Variants in CAPN14 observed in about 807,000 individuals in gnomAD.
CAPN14 encodes calpain-14.
CAPN14 carries 94 observed loss-of-function variants against 101.3 expected under a neutral mutation model. The ratio of observed to expected loss-of-function variants is 0.93; its 90% confidence interval spans 0.79 to 1.10. The LOEUF (loss-of-function observed/expected upper bound fraction) is 1.10. CAPN14 is among the 50% of genes least tolerant of loss of function. The pLI, the probability that CAPN14 is intolerant of heterozygous loss-of-function variation, is 0.00. For synonymous variants in CAPN14, 338 were observed against 317.9 expected (o/e 1.06, Z -0.67); for missense variants, 837 against 828.4 (o/e 1.01, Z -0.13).
At chr2:31,211,531 A>T (rs1415061307) in intron 1 of CAPN14, among the ~76,000 whole-genome samples, 1 of 152,172 alleles carries the variant, frequency 6.6e-6, no homozygotes, top group African/African-American at 2.4e-5. Context: ...ACCTGGTGCC[A>T]TTAATCAAAT....
intron 12 of CAPN14, among the ~76,000 whole-genome samples, chr2:31,190,779 T>G (rs1475801887): frequency 6.6e-6 from 1 of 152,214 alleles, no homozygotes; most frequent in Non-Finnish European, 1.5e-5. Context: ...CTTGATTCAA[T>G]CCAACCTGAG....
chr2:31,199,398 C>T (rs1681637280), intron 7 of CAPN14, 72 bp downstream of exon 7: 1 of 1,299,104 alleles, frequency 7.7e-7, no homozygotes. Flanking sequence ...ACTAAATCCA[C>T]CAAGATAAGC....
chr2:31,228,488 T>G (rs72861105), intron 1 of CAPN14: 126 of 152,276 alleles, frequency 8.3e-4, no homozygotes, highest in African/African-American at 2.8e-3. Flanking sequence ...TACTAAAAAT[T>G]ATATTCCTTT....
At chr2:31,210,304 C>T (rs994110460) in intron 1 of CAPN14, among the ~76,000 whole-genome samples, 5 of 151,840 alleles carry the variant, frequency 3.3e-5, no homozygotes, top group South Asian at 2.1e-4. Flanking sequence ...AAAAATTAGC[C>T]GGGCGTGGTG....
chr2:31,223,618 T>G (rs1682929457), intron 2 of CAPN14, among the ~76,000 whole-genome samples: 1 of 146,882 alleles, frequency 6.8e-6, no homozygotes, highest in South Asian at 2.2e-4. Context: ...AGCCTCCGCC[T>G]CCTAGGTTCA....
At chr2:31,183,904 A>G (rs10203856) in intron 16 of CAPN14, among the ~76,000 whole-genome samples, 49,959 of 135,836 alleles carry the variant, frequency 0.37, 9,845 homozygotes, top group African/African-American at 0.58. Flanking sequence ...TTTTTTCTTT[A>G]GAGATGGAGT....
At chr2:31,181,117 G>A in intron 16 of CAPN14, 117 bp from the exon 17 acceptor site, 2 of 760,142 alleles carry the variant, frequency 2.6e-6, no homozygotes, top group South Asian at 1.7e-5. Context: ...TATGTACGTG[G>A]GCTGGGAAGA....
At chr2:31,207,280 T>C (rs1682147136) in intron 1 of CAPN14, among the ~76,000 whole-genome samples, 1 of 152,164 alleles carries the variant, frequency 6.6e-6, no homozygotes, top group Non-Finnish European at 1.5e-5. Context: ...GTGCCTGGCA[T>C]TCGCTGAGAT....
At chr2:31,174,796 G>A (rs1435125959) in intron 21 of CAPN14, 89 bp from the exon 22 acceptor site, 15 of 1,259,740 alleles carry the variant, frequency 1.2e-5, no homozygotes, top group Non-Finnish European at 1.4e-5. Context: ...GAGCCATGGA[G>A]ACAGAACATT....
At chr2:31,176,448 G>A (rs1680289841) in intron 21 of CAPN14, 139 bp downstream of exon 21, 2 of 656,114 alleles carry the variant, frequency 3.0e-6, no homozygotes, top group Admixed American at 2.7e-5. Flanking sequence ...GAATGAATGA[G>A]TGCAATGAAT....
chr2:31,193,117 G>C lies in CAPN14; in HGVS notation c.1114+14C>G. 6.5e-7 allele frequency: 1 copy of C among 1,547,240 alleles called. No individual in the cohort carries two copies. Among genetic ancestry groups the C allele is most frequent in the Middle Eastern group, 1.7e-4 (1 of 5,922 alleles). On this transcript the variant is annotated intron_variant, in intron 10 of 21. Coordinates refer to ENST00000403897, the MANE Select transcript of CAPN14 (RefSeq NM_001145122.2). ...ACCTCACCCTGAGAGCCCTGCTCCT[G>C]TGCACATGCTCACCCTGCAGCAACT... is the stretch of plus-strand genomic sequence containing the variant.
intron 1 of CAPN14, among the ~76,000 whole-genome samples, chr2:31,217,069 G>A (rs1170559335): frequency 1.3e-5 from 2 of 152,160 alleles, no homozygotes; most frequent in African/African-American, 4.8e-5. Context: ...AGGAGGCTCA[G>A]GAGACAACTG....
At position 31,205,305 on chromosome 2, in the gene CAPN14, C is replaced by T; in HGVS notation, c.143G>A (p.Ser48Asn). 6.4e-7 allele frequency: 1 copy of T among 1,550,702 alleles called. No homozygotes were observed. The highest frequency in any genetic ancestry group is 8.7e-7 in the Non-Finnish European group (1 of 1,146,964). Reference sequence around the variant, plus strand: ...GATGGAGCTCAGGGTGGCCGGGAAGCTGGTGTCTTCAAAGAGGCAGCCATT... The same window carrying T: ...GATGGAGCTCAGGGTGGCCGGGAAGTTGGTGTCTTCAAAGAGGCAGCCATT... ...LRNGCLFEDT[S>N]FPATLSSIGS... The change falls in exon 2 of 22, where the codon AGC becomes AAC. Residue 48 changes from serine (S) to asparagine (N), a missense_variant. Transcript: ENST00000403897.
At chr2:31,179,340 G>A (rs571457190) in intron 17 of CAPN14, among the ~76,000 whole-genome samples, 4 of 152,034 alleles carry the variant, frequency 2.6e-5, no homozygotes, top group South Asian at 2.1e-4. Flanking sequence ...CTCTCCTTGC[G>A]ATAGTTTGCT....
At chr2:31,181,456 TTTTCTCTTTTTCTTTCTTTTC>T (rs1680617235) in intron 16 of CAPN14, among the ~76,000 whole-genome samples, 1 of 137,212 alleles carries the variant, frequency 7.3e-6, no homozygotes, top group South Asian at 2.3e-4. Flanking sequence ...TTCTTTCTTT[TTTTCTCTTTTTCTTTCTTTTC>T]TTTCTCTCTC....
At chr2:31,233,255 T>C (rs1474607754) in intron 1 of CAPN14, among the ~76,000 whole-genome samples, 1 of 152,170 alleles carries the variant, frequency 6.6e-6, no homozygotes, top group Non-Finnish European at 1.5e-5. Context: ...TCCCTCACTC[T>C]CTTTCACCTT....
intron 1 of CAPN14, among the ~76,000 whole-genome samples, chr2:31,232,318 A>G (rs1262189688): frequency 6.6e-6 from 1 of 152,082 alleles, no homozygotes; most frequent in Non-Finnish European, 1.5e-5. Flanking sequence ...ATCACATACC[A>G]AGATCTGACA....
intron 4 of CAPN14, 63 bp downstream of exon 4, chr2:31,202,071 G>A: frequency 6.5e-7 from 1 of 1,549,688 alleles, no homozygotes; most frequent in South Asian, 1.2e-5. Flanking sequence ...GTGAAGACAT[G>A]GTCCTCCAGG....
In CAPN14 at chr2:31,180,522, A is replaced by G. The variant is rs927997436; in HGVS notation, c.1710+414T>C. On this transcript the variant is annotated intron_variant, in intron 17 of 21. Transcript: ENST00000403897. ...GGTTTCCTGATCTGTGCATGGGGGC[A>G]GCCACCGCCCAGTTATTAAATGGAA... 6.6e-5 allele frequency among the ~76,000 whole-genome samples: 10 copies of G among 152,234 alleles called. No individual in the cohort carries two copies. In the East Asian group the frequency reaches 1.9e-3, roughly 29 times the overall value.
Sources: allele counts gnomAD v4.1 joint callset (sites outside exome capture counted in the v4.1 genomes callset), GRCh38; gene constraint gnomAD v4.1.1; transcripts MANE v1.5; gene names NCBI Gene and HGNC (gene_info 2026-07-23, HGNC 2026-07-21).